SPOCK1: variants seen among roughly 807,000 people sequenced by gnomAD.
The protein encoded by SPOCK1 is testican-1.
Under a neutral mutation model 55.3 loss-of-function variants are expected in SPOCK1, and 23 were observed. That is an observed-to-expected ratio of 0.42 (90% CI 0.30 to 0.59). The LOEUF (loss-of-function observed/expected upper bound fraction) is 0.59. Ranked by LOEUF, SPOCK1 falls within the 20% of genes least tolerant of loss-of-function variation. SPOCK1 has a pLI of 0.22. For missense variants in SPOCK1, 499 were observed against 552.5 expected (o/e 0.90, Z 0.97); for synonymous variants, 226 against 221.0 (o/e 1.02, Z -0.20).
Position 136,978,811 on chromosome 5 carries a change from C to A in SPOCK1, c.1163G>T (p.Ser388Ile). 1 of 1,612,432 alleles carries A rather than the reference C, an allele frequency of 6.2e-7. No individual in the cohort carries two copies. Among genetic ancestry groups the A allele is most frequent in the South Asian group, 1.1e-5 (1 of 90,746 alleles). ...EEQETSGDFG[S>I]GGSVVLLDDL... Reference sequence around the variant, plus strand: ...ATCCAGCAGGACCACGGACCCACCACTGCCAAAATCCCCTGAGGTTTCCTG... The same window carrying A: ...ATCCAGCAGGACCACGGACCCACCAATGCCAAAATCCCCTGAGGTTTCCTG... Residue 388 changes from serine to isoleucine, a missense_variant, in exon 11 of 11, where the codon AGT becomes ATT. Transcript: ENST00000394945.
At chr5:137,205,622 C>T (rs1038007249) in intron 3 of SPOCK1, among the ~76,000 whole-genome samples, 2 of 152,168 alleles carry the variant, frequency 1.3e-5, no homozygotes, top group African/African-American at 4.8e-5. Context: ...CCTGTGACCT[C>T]GGATCCTGAA....
chr5:137,234,226 A>G (rs1180247370), intron 3 of SPOCK1, among the ~76,000 whole-genome samples: 1 of 152,196 alleles, frequency 6.6e-6, no homozygotes, highest in African/African-American at 2.4e-5. Flanking sequence ...AGTAGAGGAC[A>G]GGATTCTCAG....
At chr5:137,471,849 G>A (rs1003820147) in intron 2 of SPOCK1, among the ~76,000 whole-genome samples, 1 of 152,100 alleles carries the variant, frequency 6.6e-6, no homozygotes, top group African/African-American at 2.4e-5. Flanking sequence ...TGAGAACAAG[G>A]TGATTAGGGA....
In SPOCK1 at chr5:137,467,494, T is replaced by C. The variant is rs149773555; in HGVS notation, c.186+30879A>G. On this transcript the variant is annotated intron_variant, in intron 2 of 10. Coordinates refer to ENST00000394945, the MANE Select transcript of SPOCK1 (RefSeq NM_004598.4). ...TTAAAGAAAATAGACATACCTCTGC[T>C]CTCATGAAGCATATAACATAGAAGA... Among the ~76,000 whole-genome samples, 582 of 152,260 alleles carry C rather than the reference T, an allele frequency of 3.8e-3. 4 individuals are homozygous for C. The highest frequency in any genetic ancestry group is 0.013 in the African/African-American group (549 of 41,550).
intron 2 of SPOCK1, among the ~76,000 whole-genome samples, chr5:137,329,658 G>A (rs1056575142): frequency 6.6e-6 from 1 of 152,122 alleles, no homozygotes; most frequent in Non-Finnish European, 1.5e-5. Context: ...AGGGAGAAGG[G>A]AACACAGAGG....
rs550875633 is a variant in SPOCK1, at chr5:137,032,971, G to A, written c.589+34744C>T. On this transcript the variant is annotated intron_variant, in intron 6 of 10. Coordinates refer to ENST00000394945, the MANE Select transcript of SPOCK1 (RefSeq NM_004598.4). ...GAGAAGAAGAGATGCACAAGAACTC[G>A]GCCCTCACAGCCTCAGTGCAGCTAA... Among the ~76,000 whole-genome samples, 19 of 152,306 alleles carry A rather than the reference G, an allele frequency of 1.2e-4. No homozygotes were observed. The East Asian group carries it at 3.3e-3, about 26-fold the overall frequency.
At chr5:137,092,667 A>T (rs988712746) in intron 5 of SPOCK1, among the ~76,000 whole-genome samples, 1 of 152,204 alleles carries the variant, frequency 6.6e-6, no homozygotes. Flanking sequence ...GTGCCTAGAG[A>T]GGAACAAGCA....
At chr5:137,341,197 G>T (rs1750416188) in intron 2 of SPOCK1, among the ~76,000 whole-genome samples, 1 of 152,260 alleles carries the variant, frequency 6.6e-6, no homozygotes, top group South Asian at 2.1e-4. Flanking sequence ...GACACTTTAT[G>T]CTCTGCAAGG....
chr5:137,133,954 G>A (rs949086439), intron 4 of SPOCK1, among the ~76,000 whole-genome samples: 5 of 151,708 alleles, frequency 3.3e-5, no homozygotes, highest in Non-Finnish European at 7.4e-5. Context: ...AGATGGGCTG[G>A]GGGTGGGGGG....
chr5:137,442,009 C>A (rs977890039), intron 2 of SPOCK1, among the ~76,000 whole-genome samples: 1 of 152,172 alleles, frequency 6.6e-6, no homozygotes, highest in Admixed American at 6.5e-5. Context: ...GTCTCAGAAA[C>A]AACCTCCTTC....
At chr5:137,422,077 G>A (rs1312265882) in intron 2 of SPOCK1, among the ~76,000 whole-genome samples, 1 of 152,214 alleles carries the variant, frequency 6.6e-6, no homozygotes, top group Non-Finnish European at 1.5e-5. Flanking sequence ...GGCTGGATGT[G>A]AAATTCTGAG....
At chr5:137,228,813 T>C (rs963264828) in intron 3 of SPOCK1, among the ~76,000 whole-genome samples, 7 of 152,176 alleles carry the variant, frequency 4.6e-5, no homozygotes, top group African/African-American at 1.4e-4. Flanking sequence ...AAATATAATA[T>C]TTTCAGTTTA....
At chr5:137,169,293 G>C (rs1754704112) in intron 3 of SPOCK1, among the ~76,000 whole-genome samples, 1 of 152,112 alleles carries the variant, frequency 6.6e-6, no homozygotes, top group Non-Finnish European at 1.5e-5. Flanking sequence ...GGTGACTATT[G>C]TCAAAAAAAT....
chr5:137,419,849 G>A (rs1274361110), intron 2 of SPOCK1, among the ~76,000 whole-genome samples: 1 of 152,178 alleles, frequency 6.6e-6, no homozygotes, highest in East Asian at 1.9e-4. Context: ...TTGAATAGGA[G>A]TGGTGAGAGA....
chr5:137,288,796 T>A (rs1222923436), intron 2 of SPOCK1, among the ~76,000 whole-genome samples: 1 of 152,264 alleles, frequency 6.6e-6, no homozygotes, highest in Non-Finnish European at 1.5e-5. Context: ...TCTGGAATGA[T>A]GTTTTAGTAA....
intron 5 of SPOCK1, among the ~76,000 whole-genome samples, chr5:137,103,340 G>A (rs950986346): frequency 6.6e-6 from 1 of 152,202 alleles, no homozygotes; most frequent in African/African-American, 2.4e-5. Flanking sequence ...ATTGCTGCCT[G>A]TAATAAAAAC....
At chr5:137,185,754 C>A (rs1321915988) in intron 3 of SPOCK1, among the ~76,000 whole-genome samples, 3 of 152,042 alleles carry the variant, frequency 2.0e-5, no homozygotes. Flanking sequence ...CAGATGTGAG[C>A]CAGGCTGGCA....
At chr5:137,299,477 C>T (rs1476856804) in intron 2 of SPOCK1, among the ~76,000 whole-genome samples, 1 of 151,696 alleles carries the variant, frequency 6.6e-6, no homozygotes, top group East Asian at 1.9e-4. Flanking sequence ...TTTATGTTTA[C>T]ATATAAAATA....
At chr5:137,086,564 G>A (rs6886879) in intron 5 of SPOCK1, among the ~76,000 whole-genome samples, 1 of 152,178 alleles carries the variant, frequency 6.6e-6, no homozygotes, top group Non-Finnish European at 1.5e-5. Context: ...TTCTCGGGAG[G>A]TGGCTGGCTG....
Sources: gnomAD v4.1 joint callset for allele counts (sites outside exome capture counted in the v4.1 genomes callset) on GRCh38, gnomAD v4.1.1 for gene constraint, MANE v1.5 for transcripts, NCBI Gene and HGNC (gene_info 2026-07-23, HGNC 2026-07-21) for gene names.